TENT4A: variants seen among roughly 807,000 people sequenced by gnomAD.
TENT4A encodes terminal nucleotidyltransferase 4A, also known as DNA polymerase kappa.
A neutral mutation model predicts 72.8 loss-of-function variants in TENT4A; 7 were observed. That is an observed-to-expected ratio of 0.10 (90% CI 0.05 to 0.18). The LOEUF is 0.18. Among genes scored for constraint, TENT4A ranks in the 10% least tolerant of loss-of-function variants. The pLI, the probability that TENT4A is intolerant of heterozygous loss-of-function variation, is 1.00. For synonymous variants in TENT4A, 456 were observed against 434.3 expected, an observed-to-expected ratio of 1.05 and a Z score of -0.62; for missense variants, 831 against 1,017.7, an observed-to-expected ratio of 0.82 and a Z score of 2.50.
chr5:6,720,061 A>G (rs181933369), intron 1 of TENT4A, among the ~76,000 whole-genome samples: 10 of 152,238 alleles, frequency 6.6e-5, no homozygotes, highest in African/African-American at 2.2e-4. Context: ...CAGCAGGGGA[A>G]TTGGGTAGGG....
At chr5:6,748,696 C>T (rs929966420) in intron 8 of TENT4A, 106 bp downstream of exon 8, 7 of 1,215,968 alleles carry the variant, frequency 5.8e-6, no homozygotes, top group African/African-American at 3.0e-5. Context: ...GATGTTCTGC[C>T]GTATTTCAGT....
intron 1 of TENT4A, among the ~76,000 whole-genome samples, chr5:6,715,467 C>T (rs1740324532): frequency 6.6e-6 from 1 of 152,160 alleles, no homozygotes; most frequent in African/African-American, 2.4e-5. Flanking sequence ...AGGTGTGATG[C>T]TGTTGACGCA....
intron 1 of TENT4A, among the ~76,000 whole-genome samples, chr5:6,730,507 G>A (rs368243892): frequency 3.5e-4 from 53 of 152,280 alleles, no homozygotes; most frequent in South Asian, 1.7e-3. Flanking sequence ...CTCCTCTGTC[G>A]GTAGCTGTCA....
At chr5:6,742,749 T>A in intron 5 of TENT4A, 152 bp downstream of exon 5, 2 of 578,432 alleles carry the variant, frequency 3.5e-6, no homozygotes, top group South Asian at 4.5e-5. Flanking sequence ...ATATTATTTC[T>A]AGAGATACTT....
intron 1 of TENT4A, among the ~76,000 whole-genome samples, chr5:6,721,705 C>T (rs897802303): frequency 2.0e-5 from 3 of 152,176 alleles, no homozygotes; most frequent in African/African-American, 4.8e-5. Flanking sequence ...TCTTGGCTGA[C>T]AGGGTGGGCG....
chr5:6,749,808 C>T, intron 9 of TENT4A, 151 bp downstream of exon 9: 1 of 611,820 alleles, frequency 1.6e-6, no homozygotes, highest in East Asian at 2.8e-5. Flanking sequence ...AGATCTAGAG[C>T]AGCACTGTCC....
At chr5:6,754,265 T>C (rs1236451998) in intron 12 of TENT4A, among the ~76,000 whole-genome samples, 1 of 152,086 alleles carries the variant, frequency 6.6e-6, no homozygotes, top group Non-Finnish European at 1.5e-5. Context: ...GCCTCCCGGG[T>C]TCAAGCAATT....
At chr5:6,721,974 T>C (rs1474565099) in intron 1 of TENT4A, among the ~76,000 whole-genome samples, 1 of 152,200 alleles carries the variant, frequency 6.6e-6, no homozygotes, top group African/African-American at 2.4e-5. Flanking sequence ...TCTGAAGGAA[T>C]GGCTAGGATG....
intron 1 of TENT4A, among the ~76,000 whole-genome samples, chr5:6,724,402 A>T (rs1464045886): frequency 1.3e-5 from 2 of 152,212 alleles, no homozygotes; most frequent in East Asian, 1.9e-4. Context: ...ATAGAAAAGG[A>T]TACCTTGCAT....
rs780810522 is a variant in TENT4A, at chr5:6,739,767, G to A, written c.923G>A (p.Arg308His). The change falls in exon 4 of 13, where the codon CGT (arginine) becomes CAT (histidine). Residue 308 changes from arginine to histidine, a missense_variant. Arg to His is a conservative substitution (Grantham distance 29). This residue lies in a region of TENT4A where 197 missense variants were observed against 399.6 expected (regional missense o/e 0.49). Transcript: ENST00000230859. ...CTGGTGGTCTTCGGGAAATGGGAGCGTCCTCCTTTACAGCTGCTGGAGCAA... is the reference window on the plus strand; with the variant it reads ...CTGGTGGTCTTCGGGAAATGGGAGCATCCTCCTTTACAGCTGCTGGAGCAA... ...IDLVVFGKWERPPLQLLEQAL... is the reference protein window; with the variant it reads ...IDLVVFGKWEHPPLQLLEQAL... 15 of 1,613,996 alleles carry A rather than the reference G, an allele frequency of 9.3e-6. No homozygotes were observed. The highest frequency in any genetic ancestry group is 2.7e-5 in the African/African-American group (2 of 74,900).
chr5:6,747,769 A>G (rs1742187355), intron 7 of TENT4A, among the ~76,000 whole-genome samples: 1 of 152,246 alleles, frequency 6.6e-6, no homozygotes, highest in South Asian at 2.1e-4. Flanking sequence ...TATATCCTTT[A>G]AAAGAAATCC....
chr5:6,731,761 C>G (rs1473259734), intron 1 of TENT4A, among the ~76,000 whole-genome samples: 1 of 152,098 alleles, frequency 6.6e-6, no homozygotes, highest in Non-Finnish European at 1.5e-5. Flanking sequence ...CGTGACGTTT[C>G]CTTTCCCTTA....
chr5:6,726,550 G>A (rs551716073), intron 1 of TENT4A, among the ~76,000 whole-genome samples: 124 of 152,220 alleles, frequency 8.1e-4, no homozygotes, highest in African/African-American at 2.8e-3. Context: ...GTCCTCTACC[G>A]CGTTTGCAGA....
chr5:6,724,932 G>T (rs931552499), intron 1 of TENT4A, among the ~76,000 whole-genome samples: 11 of 152,222 alleles, frequency 7.2e-5, no homozygotes, highest in Admixed American at 2.0e-4. Flanking sequence ...GTGTAAAGCA[G>T]GCATTGGAGT....
chr5:6,741,128 T>A (rs901372829), intron 4 of TENT4A, among the ~76,000 whole-genome samples: 2 of 152,192 alleles, frequency 1.3e-5, no homozygotes, highest in African/African-American at 2.4e-5. Flanking sequence ...GCAGTTACAG[T>A]AACTGCTTAG....
In TENT4A at chr5:6,749,602, C is replaced by T; in HGVS notation, c.1632C>T (p.Tyr544=). 3 of 1,613,910 alleles carry T rather than the reference C, an allele frequency of 1.9e-6. 1 individual carries two copies. Among genetic ancestry groups the T allele is most frequent in the Non-Finnish European group, 8.5e-7 (1 of 1,179,850 alleles). The part of the protein sequence containing the change: ...IIKVTQEVID[Y]RRWIKEKWGS... ...AAGTAACTCAGGAGGTGATTGACTA[C>T]CGGAGGTGGATCAAAGAGAAGTGGG... is the stretch of plus-strand genomic sequence containing the variant. Residue 544 remains tyrosine, a synonymous_variant, in exon 9 of 13, where the codon TAC becomes TAT. Coordinates refer to ENST00000230859, the MANE Select transcript of TENT4A (RefSeq NM_006999.6).
intron 7 of TENT4A, among the ~76,000 whole-genome samples, chr5:6,747,390 G>A (rs1288198037): frequency 6.6e-6 from 1 of 152,030 alleles, no homozygotes; most frequent in Non-Finnish European, 1.5e-5. Context: ...TTTGTTTTTT[G>A]CATTTGTATT....
chr5:6,718,130 T>C (rs1443969104), intron 1 of TENT4A, among the ~76,000 whole-genome samples: 1 of 152,242 alleles, frequency 6.6e-6, no homozygotes, highest in African/African-American at 2.4e-5. Flanking sequence ...CATCCTTTAA[T>C]ATCTTCTATT....
At chr5:6,745,108 T>G (rs902319327) in intron 6 of TENT4A, among the ~76,000 whole-genome samples, 2 of 152,128 alleles carry the variant, frequency 1.3e-5, no homozygotes, top group African/African-American at 4.8e-5. Flanking sequence ...CTGAGTTTCT[T>G]GACTAAGTGA....
Sources: gnomAD v4.1 joint callset for allele counts (sites outside exome capture counted in the v4.1 genomes callset) on GRCh38, gnomAD v4.1.1 for gene constraint, gnomAD v4.1.1 regional missense constraint, MANE v1.5 for transcripts, NCBI Gene and HGNC (gene_info 2026-07-23, HGNC 2026-07-21) for gene names.